Variants in RGS5 observed in about 807,000 individuals in gnomAD.
The protein encoded by RGS5 is regulator of G protein signaling 5, also known as regulator of G-protein signalling 5.
In RGS5, 20 loss-of-function variants were observed where a neutral mutation model predicts 18.9. The ratio of observed to expected loss-of-function variants is 1.06; its 90% CI spans 0.74 to 1.54. The LOEUF is 1.54. RGS5 is among the 40% of genes most tolerant of loss of function. The pLI is 0.00. For synonymous variants in RGS5, 57 were observed against 76.2 expected, an observed-to-expected ratio of 0.75 and a Z score of 1.31; for missense variants, 201 against 211.8, an observed-to-expected ratio of 0.95 and a Z score of 0.32.
intron 2 of RGS5, among the ~76,000 whole-genome samples, chr1:163,278,302 A>T (rs1219093954): frequency 1.3e-5 from 2 of 152,164 alleles, no homozygotes; most frequent in African/African-American, 4.8e-5. Flanking sequence ...CATCAGACTA[A>T]CAGATTTCTC....
At chr1:163,149,067 G>T (rs2102380122) in intron 4 of RGS5, among the ~76,000 whole-genome samples, 1 of 152,350 alleles carries the variant, frequency 6.6e-6, no homozygotes, top group East Asian at 1.9e-4. Flanking sequence ...GTGCTTCAAA[G>T]TCTAGGATGA....
intron 1 of RGS5, among the ~76,000 whole-genome samples, chr1:163,319,600 G>A (rs544993403): frequency 6.6e-6 from 1 of 152,254 alleles, no homozygotes; most frequent in African/African-American, 2.4e-5. Flanking sequence ...AGTGTTTCCA[G>A]CTAAGAATTT....
chr1:163,147,218 G>T lies in RGS5; in HGVS notation c.*124C>A. 2 of 1,011,530 alleles carry T rather than the reference G, an allele frequency of 2.0e-6. No individual in the cohort carries two copies. The highest frequency in any genetic ancestry group is 2.9e-5 in the East Asian group (1 of 34,124). The allele number at this position is 1,011,530 out of a possible 1,614,324, so 62.7% of individuals were successfully genotyped here. On this transcript the variant is annotated 3_prime_UTR_variant, in exon 5 of 5. Transcript: ENST00000313961. ...CAAAAAGAGTAAGCAACATCCCCTG[G>T]GATTTTTCCCATGTGGGTATCACTG...
chr1:163,279,965 G>T (rs1415173802), intron 2 of RGS5, among the ~76,000 whole-genome samples: 1 of 151,986 alleles, frequency 6.6e-6, no homozygotes, highest in African/African-American at 2.4e-5. Context: ...GGTAGAAATA[G>T]AAATTCTGAA....
At chr1:163,156,963 G>T (rs953862183) in intron 3 of RGS5, among the ~76,000 whole-genome samples, 1 of 152,098 alleles carries the variant, frequency 6.6e-6, no homozygotes, top group Non-Finnish European at 1.5e-5. Flanking sequence ...GGAAATTATG[G>T]TTGCCTGTGA....
intron 2 of RGS5, among the ~76,000 whole-genome samples, chr1:163,257,458 G>A (rs960747496): frequency 6.6e-6 from 1 of 152,084 alleles, no homozygotes; most frequent in Admixed American, 6.5e-5. Context: ...GGGAAGTAAG[G>A]TGGATAGAGA....
At chr1:163,202,399 G>A (rs762326052) in intron 1 of RGS5, among the ~76,000 whole-genome samples, 1 of 152,106 alleles carries the variant, frequency 6.6e-6, no homozygotes, top group Non-Finnish European at 1.5e-5. Flanking sequence ...CTACATAGAG[G>A]TTAAATAAAT....
intron 2 of RGS5, among the ~76,000 whole-genome samples, chr1:163,288,466 T>C (rs1361406860): frequency 1.3e-5 from 2 of 152,216 alleles, no homozygotes; most frequent in Admixed American, 6.5e-5. Flanking sequence ...ACTATGATTT[T>C]CAAAATCTTT....
intron 1 of RGS5, chr1:163,212,497 A>G (rs1660129755): frequency 6.6e-6 from 1 of 152,282 alleles, no homozygotes; most frequent in East Asian, 1.9e-4. Flanking sequence ...TTGATTCTCA[A>G]AGCACCAAGG....
chr1:163,218,070 A>G (rs1422401778), upstream of RGS5, among the ~76,000 whole-genome samples: 4 of 152,120 alleles, frequency 2.6e-5, no homozygotes, highest in Non-Finnish European at 5.9e-5. Context: ...TGGCTTTGCC[A>G]TATCCTGCAG....
intron 2 of RGS5, among the ~76,000 whole-genome samples, chr1:163,280,586 T>C (rs866443746): frequency 6.6e-6 from 1 of 151,900 alleles, no homozygotes; most frequent in Non-Finnish European, 1.5e-5. Flanking sequence ...GAAGGAAAAC[T>C]GTGAAACACT....
intron 2 of RGS5, chr1:163,267,242 C>CT (rs1485639451): frequency 6.6e-6 from 1 of 152,008 alleles, no homozygotes; most frequent in Non-Finnish European, 1.5e-5. Context: ...CCCTCTCTCT[C>CT]TTTTTTCCTG....
intron 1 of RGS5, among the ~76,000 whole-genome samples, chr1:163,317,928 T>C (rs1357210966): frequency 6.6e-6 from 1 of 152,156 alleles, no homozygotes; most frequent in East Asian, 1.9e-4. Flanking sequence ...ATTTGCTTGT[T>C]CATTATTATA....
chr1:163,175,395 A>T lies in RGS5; in HGVS notation c.45-7027T>A, dbSNP rs911582784. On this transcript the variant is annotated intron_variant, in intron 1 of 4. Transcript: ENST00000313961. ...TTCCTGGCTGCTCATTTAAAACTTC[A>T]TATCAGTGGAGTTTGCTCCTTGTAG... Among the ~76,000 whole-genome samples the T allele has an allele frequency of 6.6e-5, 10 of 152,260 alleles. 1 individual carries two copies. In the South Asian group the frequency reaches 1.9e-3, roughly 28 times the overall value.
At chr1:163,224,196 CCCT>C (rs1415088845) in intron 2 of RGS5, among the ~76,000 whole-genome samples, 1 of 152,038 alleles carries the variant, frequency 6.6e-6, no homozygotes, top group Non-Finnish European at 1.5e-5. Flanking sequence ...TCTTTCCATG[CCCT>C]CCTCCTCCCT....
chr1:163,301,893 G>C (rs1245660321), intron 2 of RGS5, among the ~76,000 whole-genome samples: 1 of 151,976 alleles, frequency 6.6e-6, no homozygotes, highest in Non-Finnish European at 1.5e-5. Context: ...GTTTAACCAT[G>C]TGATATTTCA....
chr1:163,230,280 T>C (rs1647443402), intron 2 of RGS5, among the ~76,000 whole-genome samples: 1 of 152,170 alleles, frequency 6.6e-6, no homozygotes, highest in Non-Finnish European at 1.5e-5. Flanking sequence ...CTTTACCTCA[T>C]AAGATTTTTG....
At chr1:163,301,519 G>A (rs912005918) in intron 2 of RGS5, among the ~76,000 whole-genome samples, 1 of 152,130 alleles carries the variant, frequency 6.6e-6, no homozygotes, top group African/African-American at 2.4e-5. Context: ...TTTTTGCAGT[G>A]ATAGGGTTTT....
At chr1:163,217,546 T>G (rs1337801918) in exon 1 of RGS5, 9 of 1,545,720 alleles carry the variant, frequency 5.8e-6, no homozygotes, top group Non-Finnish European at 7.9e-6. Flanking sequence ...CAATGAGCAC[T>G]GTGCATCTGT....
Sources: allele counts gnomAD v4.1 joint callset (sites outside exome capture counted in the v4.1 genomes callset), GRCh38; gene constraint gnomAD v4.1.1; transcripts MANE v1.5; gene names NCBI Gene and HGNC (gene_info 2026-07-23, HGNC 2026-07-21).